The following MAPKAPK3 variants were observed in gnomAD, a reference collection of about 807,000 sequenced individuals.
The protein encoded by MAPKAPK3 is MAPK activated protein kinase 3.
In MAPKAPK3, 35 loss-of-function variants were observed where a neutral mutation model predicts 49.2. That is an observed-to-expected ratio of 0.71 (90% CI 0.54 to 0.94). The LOEUF is 0.94. Ranked by LOEUF, MAPKAPK3 falls within the 40% of genes least tolerant of loss-of-function variation. The probability of loss-of-function intolerance (pLI) is 0.00; values close to 1 mark genes in which losing one functional copy is unlikely to be tolerated. For missense variants in MAPKAPK3, 398 were observed against 493.1 expected (o/e 0.81, Z 1.83); for synonymous variants, 178 against 188.7 (o/e 0.94, Z 0.46).
intron 2 of MAPKAPK3, among the ~76,000 whole-genome samples, chr3:50,629,877 T>C (rs1242396267): frequency 6.6e-6 from 1 of 152,232 alleles, no homozygotes; most frequent in African/African-American, 2.4e-5. Context: ...GAATCTTGTC[T>C]TCCTAAGACT....
rs1334920227 is a variant in MAPKAPK3, at chr3:50,648,088, A to G, written c.*42A>G. The G allele has an allele frequency of 5.1e-6, 8 of 1,583,132 alleles. No individual in the cohort carries two copies. The highest frequency in any genetic ancestry group is 6.9e-6 in the Non-Finnish European group (8 of 1,165,776). ...GGAGCCTGGCCTCTCAGCCTGCATAACAGACTGAAATGTGCTCAGGCCCTG... is the reference window on the plus strand; with the variant it reads ...GGAGCCTGGCCTCTCAGCCTGCATAGCAGACTGAAATGTGCTCAGGCCCTG... On this transcript the variant is annotated 3_prime_UTR_variant, in exon 11 of 11. Transcript: ENST00000621469.
At chr3:50,630,332 G>A (rs528104440) in intron 2 of MAPKAPK3, among the ~76,000 whole-genome samples, 1 of 152,350 alleles carries the variant, frequency 6.6e-6, no homozygotes, top group Non-Finnish European at 1.5e-5. Flanking sequence ...CCCCCAGACA[G>A]GGCCAGTACA....
At chr3:50,647,337 G>A (rs909410618) in intron 10 of MAPKAPK3, 134 bp downstream of exon 10, 30 of 696,552 alleles carry the variant, frequency 4.3e-5, no homozygotes, top group Admixed American at 3.1e-4. Flanking sequence ...AGTGACTGTC[G>A]CAGTGGTCCA....
At position 50,648,086 on chromosome 3, in the gene MAPKAPK3, T is replaced by C; in HGVS notation, c.*40T>C. On this transcript the variant is annotated 3_prime_UTR_variant, in exon 11 of 11. Transcript: ENST00000621469. ...GAGGAGCCTGGCCTCTCAGCCTGCATAACAGACTGAAATGTGCTCAGGCCC... is the reference window on the plus strand; with the variant it reads ...GAGGAGCCTGGCCTCTCAGCCTGCACAACAGACTGAAATGTGCTCAGGCCC... The C allele has an allele frequency of 6.3e-7, 1 of 1,586,736 alleles. No homozygotes were observed. The highest frequency in any genetic ancestry group is 8.6e-7 in the Non-Finnish European group (1 of 1,167,912).
Position 50,648,067 on chromosome 3 carries a change from C to T in MAPKAPK3, c.*21C>T. 1 of 1,605,672 alleles carries T rather than the reference C, an allele frequency of 6.2e-7. No homozygotes were observed. Among genetic ancestry groups the T allele is most frequent in the Non-Finnish European group, 8.5e-7 (1 of 1,176,424 alleles). On this transcript the variant is annotated 3_prime_UTR_variant, in exon 11 of 11. Coordinates refer to ENST00000621469, the MANE Select transcript of MAPKAPK3 (RefSeq NM_001243925.2). The stretch of plus-strand genomic sequence containing the variant: ...AGTAGCTCATGGGGCCTTGGAGGAG[C>T]CTGGCCTCTCAGCCTGCATAACAGA...
At chr3:50,623,866 T>G (rs1056626456) in intron 2 of MAPKAPK3, among the ~76,000 whole-genome samples, 1 of 152,258 alleles carries the variant, frequency 6.6e-6, no homozygotes, top group Non-Finnish European at 1.5e-5. Flanking sequence ...CTGGCTCCAC[T>G]GGGAGCCCTG....
At chr3:50,611,781 C>T (rs1247311230), upstream of MAPKAPK3, 7 of 1,272,390 alleles carry the variant, frequency 5.5e-6, no homozygotes, top group South Asian at 1.3e-4. Context: ...GACTGAGAGG[C>T]AGTGGCGCGG....
chr3:50,631,464 G>A (rs2032909311), intron 2 of MAPKAPK3, among the ~76,000 whole-genome samples: 1 of 152,240 alleles, frequency 6.6e-6, no homozygotes, highest in South Asian at 2.1e-4. Flanking sequence ...AGCAGAGGCT[G>A]AGGCTGTGAC....
At chr3:50,639,780 G>A (rs774492812) in intron 2 of MAPKAPK3, among the ~76,000 whole-genome samples, 24 of 152,060 alleles carry the variant, frequency 1.6e-4, no homozygotes, top group Admixed American at 1.0e-3. Flanking sequence ...GCAGATTTGC[G>A]TGTTAGTGCA....
At chr3:50,621,597 CAAAAAAAA>C (rs57325539) in intron 2 of MAPKAPK3, among the ~76,000 whole-genome samples, 2 of 41,766 alleles carry the variant, frequency 4.8e-5, no homozygotes, top group African/African-American at 1.9e-4. Context: ...GGCTGTGTCT[CAAAAAAAA>C]AAAAAAAAAA....
Position 50,648,073 on chromosome 3 carries a change from C to A in MAPKAPK3, c.*27C>A, listed in dbSNP as rs777428507. ...TCATGGGGCCTTGGAGGAGCCTGGCCTCTCAGCCTGCATAACAGACTGAAA... is the reference window on the plus strand; with the variant it reads ...TCATGGGGCCTTGGAGGAGCCTGGCATCTCAGCCTGCATAACAGACTGAAA... On this transcript the variant is annotated 3_prime_UTR_variant, in exon 11 of 11. Transcript: ENST00000621469. The A allele has an allele frequency of 4.4e-6, 7 of 1,602,748 alleles. No homozygotes were observed. The South Asian group carries it at 7.8e-5, about 18-fold the overall frequency.
In MAPKAPK3 at chr3:50,617,633, G is replaced by A; in HGVS notation, c.68G>A (p.Gly23Asp). ...CCGCCAGTTGCACCCGGCGGACCCG[G>A]CTTGGGCGGTGCTCCGGGGGGGCGG... ...VPPPVAPGGP[G>D]LGGAPGGRRE... The change falls in exon 2 of 11, where the codon GGC becomes GAC. Residue 23 changes from glycine (G) to aspartate (D), a missense_variant. By Grantham distance (94) the Gly-to-Asp change is moderately conservative (BLOSUM62 -1). This residue lies in a region of MAPKAPK3 where 123 missense variants were observed against 117.7 expected (regional missense o/e 1.04). Coordinates refer to ENST00000621469, the MANE Select transcript of MAPKAPK3 (RefSeq NM_001243925.2). 6.2e-7 allele frequency: 1 copy of A among 1,608,900 alleles called. No homozygotes were observed. The highest frequency in any genetic ancestry group is 8.5e-7 in the Non-Finnish European group (1 of 1,176,420).
intron 2 of MAPKAPK3, among the ~76,000 whole-genome samples, chr3:50,621,544 G>A (rs1375293075): frequency 6.7e-6 from 1 of 149,342 alleles, no homozygotes; most frequent in Non-Finnish European, 1.5e-5. Context: ...GTTGCAGTGA[G>A]CCGAGATCAC....
chr3:50,632,578 T>C (rs1283356866), intron 2 of MAPKAPK3, among the ~76,000 whole-genome samples: 1 of 152,220 alleles, frequency 6.6e-6, no homozygotes, highest in East Asian at 1.9e-4. Flanking sequence ...CCCTTTGCTG[T>C]AGGGCTGATG....
chr3:50,624,702 T>A (rs2032696625), intron 2 of MAPKAPK3, among the ~76,000 whole-genome samples: 1 of 152,160 alleles, frequency 6.6e-6, no homozygotes. Context: ...GGAAGATCTC[T>A]GGGTGGAGGC....
At chr3:50,620,055 C>T (rs1001755706) in intron 2 of MAPKAPK3, among the ~76,000 whole-genome samples, 3 of 152,174 alleles carry the variant, frequency 2.0e-5, no homozygotes, top group Non-Finnish European at 4.4e-5. Flanking sequence ...TCACTAGTGA[C>T]CAAGCCTAGA....
chr3:50,629,965 T>C (rs1214277407), intron 2 of MAPKAPK3, among the ~76,000 whole-genome samples: 1 of 152,172 alleles, frequency 6.6e-6, no homozygotes, highest in African/African-American at 2.4e-5. Context: ...CCTCAGCTAC[T>C]CCCTCCCCTC....
intron 9 of MAPKAPK3, 82 bp downstream of exon 9, chr3:50,646,907 G>A: frequency 7.1e-7 from 1 of 1,406,646 alleles, no homozygotes; most frequent in Non-Finnish European, 1.0e-6. Flanking sequence ...GCTCTGCTTT[G>A]AGGCCCCAGT....
chr3:50,611,520 A>T (rs1345825820), upstream of MAPKAPK3: 1 of 1,501,886 alleles, frequency 6.7e-7, no homozygotes, highest in African/African-American at 1.5e-5. Flanking sequence ...GTCTGCGCTC[A>T]GTCACCTCTG....
Sources: allele counts gnomAD v4.1 joint callset (sites outside exome capture counted in the v4.1 genomes callset), GRCh38; gene constraint gnomAD v4.1.1; regional missense constraint gnomAD v4.1.1; transcripts MANE v1.5; gene names NCBI Gene and HGNC (gene_info 2026-07-23, HGNC 2026-07-21).